The following SSC5D variants were observed in gnomAD, a reference collection of about 807,000 sequenced individuals.
SSC5D encodes soluble scavenger receptor cysteine-rich domain-containing protein SSC5D.
Under a neutral mutation model 104.6 loss-of-function variants are expected in SSC5D, and 106 were observed. The ratio of observed to expected loss-of-function variants is 1.01; its 90% CI spans 0.87 to 1.19. The LOEUF (loss-of-function observed/expected upper bound fraction) is 1.19. Among genes scored for constraint, SSC5D ranks in the 50% most tolerant of loss-of-function variants. SSC5D has a pLI of 0.00. For missense variants in SSC5D, 1,993 were observed against 2,153.8 expected, an observed-to-expected ratio of 0.93 and a Z score of 1.48; for synonymous variants, 860 against 883.5, an observed-to-expected ratio of 0.97 and a Z score of 0.47.
intron 8 of SSC5D, among the ~76,000 whole-genome samples, chr19:55,495,233 A>ATATATATATATATATATAT (rs1555765051): frequency 2.0e-5 from 1 of 50,662 alleles, no homozygotes; most frequent in East Asian, 9.5e-4. Flanking sequence ...ATATATATAT[A>ATATATATATATATATATAT]TTTTTTTTTT....
intron 7 of SSC5D, among the ~76,000 whole-genome samples, chr19:55,494,142 T>C (rs1568476351): frequency 6.6e-6 from 1 of 151,994 alleles, no homozygotes; most frequent in Non-Finnish European, 1.5e-5. Context: ...ACATTTTTGA[T>C]GGTCACAGCT....
rs999937854 is a variant in SSC5D, at chr19:55,518,532, A to C, written c.4256A>C (p.Asn1419Thr). ...DFKPPRSQSP[N>T]LTPPPTHTPH... ...AAGCCACCCAGAAGCCAGAGCCCCA[A>C]CCTAACCCCTCCACCCACCCATACC... is the stretch of plus-strand genomic sequence containing the variant. Residue 1419 changes from asparagine (N) to threonine (T), a missense_variant, in exon 14 of 14, where the codon AAC (asparagine) becomes ACC (threonine). By Grantham distance (65) the Asn-to-Thr change is moderately conservative. Coordinates refer to ENST00000389623, the MANE Select transcript of SSC5D (RefSeq NM_001144950.2). The C allele has an allele frequency of 4.5e-6, 7 of 1,549,364 alleles. No individual in the cohort carries two copies. In the Admixed American group the frequency reaches 5.9e-5, roughly 13 times the overall value.
intron 13 of SSC5D, 64 bp from the exon 14 acceptor site, chr19:55,517,160 G>T: frequency 4.2e-6 from 6 of 1,412,694 alleles, no homozygotes; most frequent in Non-Finnish European, 5.7e-6. Context: ...GGGGCGGGGC[G>T]GGACGCGTGG....
chr19:55,488,510 C>T lies in SSC5D; in HGVS notation c.-80C>T. The T allele has an allele frequency of 3.0e-6, 4 of 1,332,184 alleles. No individual in the cohort carries two copies. Among genetic ancestry groups the T allele is most frequent in the South Asian group, 1.3e-5 (1 of 79,308 alleles). 82.5% of individuals were successfully genotyped at this position (1,332,184 alleles called of 1,614,324 possible). On this transcript the variant is annotated 5_prime_UTR_variant, in exon 1 of 14. Coordinates refer to ENST00000389623, the MANE Select transcript of SSC5D (RefSeq NM_001144950.2). ...CCTCCAGCAGGCACTTCCCTCCCTC[C>T]CTCTCTCCCCAGCTGCCTCCTCCTC...
chr19:55,517,532 C>G lies in SSC5D; in HGVS notation c.3256C>G (p.Pro1086Ala). The G allele has an allele frequency of 1.3e-6, 2 of 1,551,540 alleles. No individual in the cohort carries two copies. Residue 1086 changes from proline to alanine, a missense_variant, in exon 14 of 14, where the codon CCC (proline) becomes GCC (alanine). This residue lies in a region of SSC5D where 423 missense variants were observed against 409.2 expected (regional missense o/e 1.03). Coordinates refer to ENST00000389623, the MANE Select transcript of SSC5D (RefSeq NM_001144950.2). The part of the protein sequence containing the change: ...SSVVPALTPE[P>A]SPTPLPTLPK... The stretch of plus-strand genomic sequence containing the variant: ...TGTGGTTCCCGCGTTGACCCCGGAG[C>G]CCTCACCCACGCCCTTACCCACCTT...
chr19:55,489,312 A>G lies in SSC5D; in HGVS notation c.53-42A>G, dbSNP rs1237030106. ...CAGTTGCCCTGGCCTTGGGGCCCCC[A>G]GGATGCCCCTCCCCAGTCACAGCCA... On this transcript the variant is annotated intron_variant, in intron 2 of 13. Transcript: ENST00000389623. 23 of 1,420,388 alleles carry G rather than the reference A, an allele frequency of 1.6e-5. No individual in the cohort carries two copies. The South Asian group carries it at 3.3e-4, about 21-fold the overall frequency. 88.0% of individuals were successfully genotyped at this position (1,420,388 alleles called of 1,614,324 possible). A position where few individuals can be genotyped will look rare whatever the true frequency, so the allele number is the denominator to read the frequency against.
At chr19:55,507,732 AAGGCCCTG>A (rs1322919204) in intron 12 of SSC5D, among the ~76,000 whole-genome samples, 1 of 151,638 alleles carries the variant, frequency 6.6e-6, no homozygotes, top group African/African-American at 2.4e-5. Context: ...TTTAAGTGAG[AAGGCCCTG>A]AGGCCCTGAG....
Position 55,517,986 on chromosome 19 carries a change from C to A in SSC5D, c.3710C>A (p.Thr1237Lys), listed in dbSNP as rs1987916006. ...CAGCCCACCACAACCCCTCACTCCA[C>A]AACCCCTCACCCCACCACGACCCCT... ...TMQPTTTPHS[T>K]TPHPTTTPHP... The change falls in exon 14 of 14, where the codon ACA becomes AAA. Residue 1237 changes from threonine to lysine, a missense_variant. Around this residue, in one of 6 missense-constraint regions of SSC5D, gnomAD observed 20 missense variants for 102.5 expected, o/e 0.20. Coordinates refer to ENST00000389623, the MANE Select transcript of SSC5D (RefSeq NM_001144950.2). 2 of 1,522,412 alleles carry A rather than the reference C, an allele frequency of 1.3e-6. No homozygotes were observed. Among genetic ancestry groups the A allele is most frequent in the Non-Finnish European group, 1.8e-6 (2 of 1,137,360 alleles). 94.3% of individuals were successfully genotyped at this position (1,522,412 alleles called of 1,614,324 possible).
Position 55,498,069 on chromosome 19 carries a change from G to T in SSC5D, c.1577G>T (p.Gly526Val), listed in dbSNP as rs940907088. Residue 526 changes from glycine (G) to valine (V), a missense_variant, in exon 9 of 14, where the codon GGT (glycine) becomes GTT (valine). Transcript: ENST00000389623. Reference sequence around the variant, plus strand: ...CCTGCTGCTGGCCGCTTTGGCTGGGGTGCGGGCCCCATCTGGCTAGATGAT... The same window carrying T: ...CCTGCTGCTGGCCGCTTTGGCTGGGTTGCGGGCCCCATCTGGCTAGATGAT... ...PDPAAGRFGW[G>V]AGPIWLDDVG... 1 of 1,551,536 alleles carries T rather than the reference G, an allele frequency of 6.4e-7. No individual in the cohort carries two copies. Among genetic ancestry groups the T allele is most frequent in the African/African-American group, 1.4e-5 (1 of 73,044 alleles).
At chr19:55,513,735 G>T (rs1306518603) in intron 13 of SSC5D, among the ~76,000 whole-genome samples, 1 of 152,158 alleles carries the variant, frequency 6.6e-6, no homozygotes, top group Non-Finnish European at 1.5e-5. Context: ...AGAGGCCGGG[G>T]TGGTGATAAA....
intron 13 of SSC5D, among the ~76,000 whole-genome samples, chr19:55,516,682 A>T (rs921301485): frequency 4.0e-5 from 6 of 151,690 alleles, no homozygotes; most frequent in Non-Finnish European, 8.8e-5. Flanking sequence ...GTTCGAGGTT[A>T]CAGTGAGCTA....
intron 8 of SSC5D, among the ~76,000 whole-genome samples, chr19:55,496,555 C>T (rs968625468): frequency 6.6e-6 from 1 of 152,074 alleles, no homozygotes; most frequent in African/African-American, 2.4e-5. Context: ...CAGTTCTCTC[C>T]GTGTCTCAGT....
intron 13 of SSC5D, among the ~76,000 whole-genome samples, chr19:55,516,180 A>C (rs79910709): frequency 1.4e-5 from 2 of 146,538 alleles, no homozygotes; most frequent in Non-Finnish European, 3.1e-5. Flanking sequence ...AAAAAAAAAA[A>C]CCCATGATGA....
Position 55,497,944 on chromosome 19 carries a change from T to C in SSC5D, c.1452T>C (p.His484=). 6.4e-7 allele frequency: 1 copy of C among 1,551,676 alleles called. No individual in the cohort carries two copies. The highest frequency in any genetic ancestry group is 1.4e-5 in the African/African-American group (1 of 73,172). ...SKCSGRLEVW[H]DQRWGTVCDD... is the part of the protein sequence containing the mutation. ...GCTCAGGTCGACTGGAGGTGTGGCA[T>C]GACCAGCGCTGGGGGACCGTGTGTG... The change falls in exon 9 of 14, where the codon CAT becomes CAC. Residue 484 remains histidine (H), a synonymous_variant. Coordinates refer to ENST00000389623, the MANE Select transcript of SSC5D (RefSeq NM_001144950.2).
Position 55,497,880 on chromosome 19 carries a change from G to A in SSC5D, c.1388G>A (p.Gly463Glu). The A allele has an allele frequency of 6.5e-7, 1 of 1,530,556 alleles. No homozygotes were observed. Among genetic ancestry groups the A allele is most frequent in the Non-Finnish European group, 8.8e-7 (1 of 1,132,426 alleles). 94.8% of individuals were successfully genotyped at this position (1,530,556 alleles called of 1,614,324 possible). The change falls in exon 9 of 14, where the codon GGG (glycine) becomes GAG (glutamate). Residue 463 changes from glycine (G) to glutamate (E), a missense_variant and splice_region_variant. Physicochemically the swap from Gly to Glu is moderately conservative, Grantham distance 98 (BLOSUM62 -2). Transcript: ENST00000389623. ...TVLWEPGPEAGSPQLRLVAGP... is the reference protein window; with the variant it reads ...TVLWEPGPEAESPQLRLVAGP... ...ATTCTTTGGGTCTCTTCTACCCCAGGGTCCCCCCAGCTGCGCCTGGTGGCT... is the reference window on the plus strand; with the variant it reads ...ATTCTTTGGGTCTCTTCTACCCCAGAGTCCCCCCAGCTGCGCCTGGTGGCT...
At chr19:55,504,384 C>T in intron 12 of SSC5D, 1 of 1,319,768 alleles carries the variant, frequency 7.6e-7, no homozygotes, top group Non-Finnish European at 9.7e-7. Flanking sequence ...GACTTGGAGG[C>T]GTATGCGGGG....
intron 12 of SSC5D, among the ~76,000 whole-genome samples, chr19:55,509,831 C>A (rs1599927236): frequency 1.4e-5 from 1 of 73,312 alleles, no homozygotes; most frequent in African/African-American, 5.7e-5. Flanking sequence ...TGCACTGCAA[C>A]AAGAGCGAAA....
chr19:55,512,641 C>G (rs540814367), intron 12 of SSC5D, among the ~76,000 whole-genome samples: 2 of 152,102 alleles, frequency 1.3e-5, no homozygotes, highest in South Asian at 4.2e-4. Context: ...GCCACCATAC[C>G]CAGCTAATTT....
At position 55,503,996 on chromosome 19, in the gene SSC5D, A is replaced by G; in HGVS notation, c.2785+2795A>G. 4.1e-6 allele frequency: 4 copies of G among 969,216 alleles called. No homozygotes were observed. Among genetic ancestry groups the G allele is most frequent in the Non-Finnish European group, 3.0e-6 (2 of 673,858 alleles). 60.0% of individuals were successfully genotyped at this position (969,216 alleles called of 1,614,324 possible). On this transcript the variant is annotated intron_variant, in intron 12 of 13. Transcript: ENST00000389623. The surrounding 1 kb of genome is among the most constrained non-coding windows in gnomAD (Gnocchi z 4.0). ...AATAATAGCTGGGCGAAGGGCAACC[A>G]GGCCCCAAGAAGCGGGCCTTGAGGT...
Sources: allele counts gnomAD v4.1 joint callset (sites outside exome capture counted in the v4.1 genomes callset), GRCh38; gene constraint gnomAD v4.1.1; regional missense constraint gnomAD v4.1.1; non-coding constraint Gnocchi (gnomAD v3.1); transcripts MANE v1.5; gene names NCBI Gene and HGNC (gene_info 2026-07-23, HGNC 2026-07-21).